The following SPATA13 variants were observed in gnomAD, a reference collection of about 807,000 sequenced individuals.
SPATA13 encodes spermatogenesis-associated protein 13.
SPATA13 carries 50 observed loss-of-function variants against 104.0 expected under a neutral mutation model. The observed-to-expected ratio is 0.48, with a 90% CI of 0.38 to 0.61. The LOEUF is 0.61. Ranked by LOEUF, SPATA13 falls within the 20% of genes least tolerant of loss-of-function variation. The probability of loss-of-function intolerance (pLI) is 0.00; values close to 1 mark genes in which losing one functional copy is unlikely to be tolerated. For missense variants in SPATA13, 1,524 were observed against 1,690.6 expected, an observed-to-expected ratio of 0.90 and a Z score of 1.73; for synonymous variants, 606 against 667.5, an observed-to-expected ratio of 0.91 and a Z score of 1.42.
At chr13:24,044,910 G>A (rs1396997329) in intron 3 of SPATA13, among the ~76,000 whole-genome samples, 1 of 137,724 alleles carries the variant, frequency 7.3e-6, no homozygotes, top group Non-Finnish European at 1.6e-5. Flanking sequence ...GGGGTAGGCA[G>A]AGTGAAGAGA....
At chr13:24,297,843 T>C in intron 11 of SPATA13, 108 bp downstream of exon 11, 2 of 1,342,150 alleles carry the variant, frequency 1.5e-6, no homozygotes, top group Non-Finnish European at 2.0e-6. Context: ...CAGAGCTGAA[T>C]CCCACCATGG....
At chr13:24,287,981 C>A (rs569342829) in intron 7 of SPATA13, among the ~76,000 whole-genome samples, 5 of 152,210 alleles carry the variant, frequency 3.3e-5, no homozygotes, top group African/African-American at 4.8e-5. Flanking sequence ...GTTCTCTAAT[C>A]GGATTAGCCA....
At chr13:24,071,352 T>C (rs1434239951) in intron 3 of SPATA13, among the ~76,000 whole-genome samples, 1 of 152,170 alleles carries the variant, frequency 6.6e-6, no homozygotes, top group East Asian at 1.9e-4. Context: ...CAGGAAACTG[T>C]GTTTAAGTGG....
intron 3 of SPATA13, among the ~76,000 whole-genome samples, chr13:24,029,602 TCA>T (rs947558151): frequency 2.0e-5 from 3 of 152,218 alleles, no homozygotes; most frequent in African/African-American, 7.2e-5. Context: ...ATTTTTGGAA[TCA>T]CAGCAAATTT....
chr13:24,286,764 G>C lies in SPATA13; in HGVS notation c.2482-1G>C. On this transcript the variant is annotated splice_acceptor_variant, in intron 6 of 12. Coordinates refer to ENST00000382108, the MANE Select transcript of SPATA13 (RefSeq NM_001166271.3). LOFTEE classifies it high-confidence loss of function. The surrounding 1 kb of genome is among the most constrained non-coding windows in gnomAD (Gnocchi z 4.9). Reference sequence around the variant, plus strand: ...ACCTGTCCCCTGTATGTGGGTTGCAGTTGCGAGTGAATCAGGAAGAGCTGT... The same window carrying C: ...ACCTGTCCCCTGTATGTGGGTTGCACTTGCGAGTGAATCAGGAAGAGCTGT... The C allele has an allele frequency of 6.2e-7, 1 of 1,613,540 alleles. No individual in the cohort carries two copies. Among genetic ancestry groups the C allele is most frequent in the Non-Finnish European group, 8.5e-7 (1 of 1,179,820 alleles).
chr13:24,001,610 C>A (rs1279273288), intron 2 of SPATA13, among the ~76,000 whole-genome samples: 1 of 151,812 alleles, frequency 6.6e-6, no homozygotes, highest in African/African-American at 2.4e-5. Flanking sequence ...TCCCAGGAGA[C>A]CCTAGCAGAG....
intron 1 of SPATA13, among the ~76,000 whole-genome samples, chr13:24,208,157 A>G (rs1870814806): frequency 6.6e-6 from 1 of 152,194 alleles, no homozygotes; most frequent in African/African-American, 2.4e-5. Flanking sequence ...GAAGGTAATT[A>G]GTGTCAGGTG....
At chr13:24,037,465 T>C (rs1877737289) in intron 3 of SPATA13, among the ~76,000 whole-genome samples, 1 of 152,098 alleles carries the variant, frequency 6.6e-6, no homozygotes, top group Admixed American at 6.5e-5. Context: ...TGGAGTGCAA[T>C]GGCATGATCT....
intron 3 of SPATA13, among the ~76,000 whole-genome samples, chr13:24,025,268 C>T (rs1877161339): frequency 6.6e-6 from 1 of 151,676 alleles, no homozygotes; most frequent in Non-Finnish European, 1.5e-5. Flanking sequence ...TTAAGTTAAC[C>T]ATGCTGATAC....
intron 1 of SPATA13, among the ~76,000 whole-genome samples, chr13:24,202,120 ACT>A (rs1314871719): frequency 5.3e-5 from 8 of 150,152 alleles, no homozygotes; most frequent in Admixed American, 2.7e-4. Flanking sequence ...ATAAAAAGTG[ACT>A]CTGACATATT....
intron 2 of SPATA13, among the ~76,000 whole-genome samples, chr13:24,017,380 G>A (rs1262736966): frequency 1.3e-5 from 2 of 152,096 alleles, no homozygotes; most frequent in Admixed American, 1.3e-4. Flanking sequence ...GAAACCCAGG[G>A]CTTAGAGCTT....
chr13:23,996,775 G>A (rs1875715790), intron 2 of SPATA13, among the ~76,000 whole-genome samples: 1 of 152,224 alleles, frequency 6.6e-6, no homozygotes, highest in Admixed American at 6.5e-5. Flanking sequence ...ACAAGAGGCT[G>A]CCAGCGTTCC....
At chr13:23,995,607 G>A (rs1038028094) in intron 2 of SPATA13, among the ~76,000 whole-genome samples, 2 of 152,154 alleles carry the variant, frequency 1.3e-5, no homozygotes, top group East Asian at 3.9e-4. Flanking sequence ...AATTTCATCT[G>A]TATCTGATAT....
chr13:24,134,554 G>C (rs1479763722), intron 3 of SPATA13, among the ~76,000 whole-genome samples: 1 of 151,678 alleles, frequency 6.6e-6, no homozygotes, highest in Admixed American at 6.6e-5. Context: ...CCAGGAGAGA[G>C]GAAAATTGGT....
At chr13:24,296,396 A>G (rs117190613) in intron 10 of SPATA13, among the ~76,000 whole-genome samples, 7 of 152,356 alleles carry the variant, frequency 4.6e-5, no homozygotes, top group Non-Finnish European at 8.8e-5. Flanking sequence ...ACCAAATACC[A>G]TAAAGTAACA....
intron 3 of SPATA13, among the ~76,000 whole-genome samples, chr13:24,070,891 T>C (rs1566092581): frequency 6.6e-6 from 1 of 152,164 alleles, no homozygotes; most frequent in South Asian, 2.1e-4. Context: ...AGACTGGAAC[T>C]ATGTCCTCAG....
At chr13:24,189,069 T>A (rs1442989255) in intron 1 of SPATA13, among the ~76,000 whole-genome samples, 2 of 152,166 alleles carry the variant, frequency 1.3e-5, no homozygotes, top group African/African-American at 4.8e-5. Context: ...AGAGCTCTAA[T>A]GGAGAAGTAC....
At chr13:24,181,817 TA>T (rs1868832076) in intron 1 of SPATA13, among the ~76,000 whole-genome samples, 1 of 133,178 alleles carries the variant, frequency 7.5e-6, no homozygotes, top group Admixed American at 8.0e-5. Flanking sequence ...ACATGAACTA[TA>T]AAAAGTATAG....
intron 3 of SPATA13, among the ~76,000 whole-genome samples, chr13:24,086,788 G>A (rs536003720): frequency 6.6e-6 from 1 of 152,274 alleles, no homozygotes; most frequent in Non-Finnish European, 1.5e-5. Flanking sequence ...AGGAGGGAGA[G>A]GGGTGGGAGC....
Sources: gnomAD v4.1 joint callset for allele counts (sites outside exome capture counted in the v4.1 genomes callset) on GRCh38, gnomAD v4.1.1 for gene constraint, Gnocchi (gnomAD v3.1) non-coding constraint, MANE v1.5 for transcripts, NCBI Gene and HGNC (gene_info 2026-07-23, HGNC 2026-07-21) for gene names.